SEC23A: variants seen among roughly 807,000 people sequenced by gnomAD.
SEC23A encodes the protein protein transport protein Sec23A.
A neutral mutation model predicts 103.7 loss-of-function variants in SEC23A; 56 were observed. The ratio of observed to expected loss-of-function variants is 0.54; its 90% CI spans 0.44 to 0.67. The LOEUF is 0.67. SEC23A is among the 30% of genes least tolerant of loss of function. The probability of loss-of-function intolerance (pLI) is 0.00; values close to 1 mark genes in which losing one functional copy is unlikely to be tolerated. For missense variants in SEC23A, 784 were observed against 936.4 expected, an observed-to-expected ratio of 0.84 and a Z score of 2.12; for synonymous variants, 281 against 293.0, an observed-to-expected ratio of 0.96 and a Z score of 0.42.
intron 7 of SEC23A, among the ~76,000 whole-genome samples, chr14:39,081,876 T>A (rs1310277694): frequency 3.3e-5 from 5 of 152,188 alleles, no homozygotes; most frequent in Non-Finnish European, 7.3e-5. Flanking sequence ...CACATACATC[T>A]TCTTCTTAGC....
At chr14:39,097,272 A>T (rs77380783) in intron 1 of SEC23A, among the ~76,000 whole-genome samples, 2 of 152,318 alleles carry the variant, frequency 1.3e-5, no homozygotes, top group African/African-American at 4.8e-5. Flanking sequence ...TCATGCTCTC[A>T]AACTGCAACA....
rs199533039 is a variant in SEC23A at position 39,080,872 on chromosome 14, T to TA, written c.829-4780dup. Reference sequence around the variant, plus strand: ...AACCTGCAACAAAAACCCTACAAGATAAAAAAAAAATTCCTCAAGACCTTG... The same window carrying TA: ...AACCTGCAACAAAAACCCTACAAGATAAAAAAAAAAATTCCTCAAGACCTTG... On this transcript the variant is annotated intron_variant, in intron 7 of 19. Transcript: ENST00000307712. Among the ~76,000 whole-genome samples the TA allele has an allele frequency of 4.4e-3, 662 of 148,914 alleles. 2 individuals are homozygous for TA. Among genetic ancestry groups the TA allele is most frequent in the Non-Finnish European group, 6.9e-3 (463 of 67,038 alleles).
intron 7 of SEC23A, 55 bp downstream of exon 7, chr14:39,085,707 C>T (rs1167320970): frequency 4.1e-5 from 65 of 1,573,870 alleles, no homozygotes; most frequent in Non-Finnish European, 5.4e-5. Flanking sequence ...CACACACACA[C>T]ACACACACAC....
Position 39,055,311 on chromosome 14 carries a change from A to C in SEC23A, c.1506-15T>G. On this transcript the variant is annotated splice_polypyrimidine_tract_variant and intron_variant, in intron 13 of 19. Coordinates refer to ENST00000307712, the MANE Select transcript of SEC23A (RefSeq NM_006364.4). ...CATCTGCCCAGCTGAAGACAATAAG[A>C]AAGCATAGAAATGCTTCTGAATTAT... 6.2e-7 allele frequency: 1 copy of C among 1,613,646 alleles called. No individual in the cohort carries two copies.
chr14:39,090,791 T>G (rs1450556543), intron 5 of SEC23A: 1 of 178,250 alleles, frequency 5.6e-6, no homozygotes, highest in Non-Finnish European at 1.2e-5. Flanking sequence ...CTGTATCTCC[T>G]TGGACCTCAT....
At position 39,061,189 on chromosome 14, in the gene SEC23A, G is replaced by A. The variant is rs17108787; in HGVS notation, c.1505+576C>T. On this transcript the variant is annotated intron_variant, in intron 13 of 19. Coordinates refer to ENST00000307712, the MANE Select transcript of SEC23A (RefSeq NM_006364.4). ...AAAAGCATCTGTACCCGAAGGATTA[G>A]GAAAAAAAACACAACTGGCCCTTTA... Among the ~76,000 whole-genome samples, 1,337 of 151,814 alleles carry A rather than the reference G, an allele frequency of 8.8e-3. 22 individuals carry two copies. Among genetic ancestry groups the A allele is most frequent in the African/African-American group, 0.031 (1,267 of 41,400 alleles).
At chr14:39,040,661 G>A in intron 18 of SEC23A, 71 bp downstream of exon 18, 1 of 1,579,912 alleles carries the variant, frequency 6.3e-7, no homozygotes, top group Non-Finnish European at 8.7e-7. Flanking sequence ...ATTAAAATCA[G>A]AAGGCAAGCA....
intron 10 of SEC23A, among the ~76,000 whole-genome samples, chr14:39,066,497 AAC>A (rs1003957529): frequency 2.0e-4 from 30 of 151,658 alleles, no homozygotes; most frequent in African/African-American, 4.1e-4. Flanking sequence ...TTTTAAAAAA[AAC>A]AGTTTCCTCT....
chr14:39,070,246 T>C (rs1180959354), intron 9 of SEC23A, among the ~76,000 whole-genome samples: 6 of 152,250 alleles, frequency 3.9e-5, no homozygotes, highest in African/African-American at 1.2e-4. Flanking sequence ...CTCATTCATA[T>C]TTATTAGATG....
chr14:39,089,111 T>C (rs1013030934), intron 5 of SEC23A, among the ~76,000 whole-genome samples: 5 of 144,610 alleles, frequency 3.5e-5, no homozygotes, highest in Non-Finnish European at 7.5e-5. Context: ...GAGGCGGAGA[T>C]TGCAAGATCA....
chr14:39,102,972 C>CCCCAGGAT (rs1888171343), intron 1 of SEC23A, 60 bp downstream of exon 1: 1 of 153,328 alleles, frequency 6.5e-6, no homozygotes, highest in Non-Finnish European at 1.5e-5. Context: ...GCCGGGACCA[C>CCCCAGGAT]CCCAGGATCC....
intron 7 of SEC23A, 24 bp downstream of exon 7, chr14:39,085,738 C>T (rs748597220): frequency 6.6e-7 from 1 of 1,524,608 alleles, no homozygotes; most frequent in Non-Finnish European, 8.9e-7. Flanking sequence ...ACTTTACATT[C>T]CAAAACAAAA....
chr14:39,097,271 C>G (rs192511824), intron 1 of SEC23A, among the ~76,000 whole-genome samples: 201 of 152,260 alleles, frequency 1.3e-3, no homozygotes, highest in Admixed American at 3.1e-3. Context: ...CTCATGCTCT[C>G]AAACTGCAAC....
intron 19 of SEC23A, 106 bp downstream of exon 19, chr14:39,038,925 A>G (rs1308419934): frequency 1.0e-6 from 1 of 993,808 alleles, no homozygotes; most frequent in East Asian, 2.4e-5. Context: ...TACTTTTCCA[A>G]CAGAAACCAT....
At chr14:39,063,928 G>A (rs1886563964) in intron 11 of SEC23A, among the ~76,000 whole-genome samples, 1 of 151,960 alleles carries the variant, frequency 6.6e-6, no homozygotes, top group Admixed American at 6.6e-5. Context: ...CCTAGGAGGC[G>A]GAGCTTGCAG....
Position 39,063,399 on chromosome 14 carries a change from A to C in SEC23A, c.1323T>G (p.Gly441=). Residue 441 remains glycine (G), a synonymous_variant, in exon 12 of 20, where the codon GGT becomes GGG. Coordinates refer to ENST00000307712, the MANE Select transcript of SEC23A (RefSeq NM_006364.4). ...CACATATCTTCCACTGACATGTGCC[A>C]CCTGTTCCTATCTCCTGTAAAAATA... ...PCVSENEIGT[G]GTCQWKICGL... The C allele has an allele frequency of 6.2e-7, 1 of 1,605,242 alleles. No homozygotes were observed. The highest frequency in any genetic ancestry group is 8.5e-7 in the Non-Finnish European group (1 of 1,172,188).
rs768715904 is a variant in SEC23A at position 39,091,512 on chromosome 14, T to A, written c.568A>T (p.Arg190Ter). ...TTGGCAGACAAATCTTTTGTTCCTC[T>A]GAAGACATAGCTTTTTGAAATGCCT... ...CEGISKSYVF[R>*]GTKDLSAKQL... is the part of the protein sequence containing the mutation. Residue 190 changes from arginine to a stop codon, truncating the protein, a stop_gained, in exon 5 of 20, where the codon AGA becomes TGA. Coordinates refer to ENST00000307712, the MANE Select transcript of SEC23A (RefSeq NM_006364.4). LOFTEE classifies it high-confidence loss of function. 6.2e-7 allele frequency: 1 copy of A among 1,614,030 alleles called. No individual in the cohort carries two copies. The highest frequency in any genetic ancestry group is 1.1e-5 in the South Asian group (1 of 91,086).
intron 7 of SEC23A, among the ~76,000 whole-genome samples, chr14:39,077,834 G>A (rs1887092292): frequency 1.3e-5 from 2 of 151,586 alleles, no homozygotes; most frequent in Non-Finnish European, 2.9e-5. Context: ...TTGGGAGGCT[G>A]AGGCAAGAGA....
At chr14:39,065,350 G>A (rs896545631) in intron 10 of SEC23A, among the ~76,000 whole-genome samples, 1 of 151,634 alleles carries the variant, frequency 6.6e-6, no homozygotes, top group Non-Finnish European at 1.5e-5. Context: ...ACCAAGATTG[G>A]TCTCCCCCCA....
Sources: gnomAD v4.1 joint callset for allele counts (sites outside exome capture counted in the v4.1 genomes callset) on GRCh38, gnomAD v4.1.1 for gene constraint, MANE v1.5 for transcripts, NCBI Gene and HGNC (gene_info 2026-07-23, HGNC 2026-07-21) for gene names.